Variants in SLC16A7 observed in about 807,000 individuals in gnomAD.
SLC16A7 encodes the protein monocarboxylate transporter 2.
A neutral mutation model predicts 34.9 loss-of-function variants in SLC16A7; 33 were observed. The ratio of observed to expected loss-of-function variants is 0.94; its 90% CI spans 0.72 to 1.26. The LOEUF (loss-of-function observed/expected upper bound fraction) is 1.26. SLC16A7 is among the 50% of genes most tolerant of loss of function. The pLI, the probability that SLC16A7 is intolerant of heterozygous loss-of-function variation, is 0.00. For missense variants in SLC16A7, 573 were observed against 578.1 expected (o/e 0.99, Z 0.09); for synonymous variants, 201 against 206.6 (o/e 0.97, Z 0.23).
chr12:59,699,781 A>G (rs2137122780), intron 2 of SLC16A7, among the ~76,000 whole-genome samples: 1 of 151,928 alleles, frequency 6.6e-6, no homozygotes, highest in South Asian at 2.1e-4. Flanking sequence ...TTTTGCAATC[A>G]TTTGCTGACA....
intron 2 of SLC16A7, among the ~76,000 whole-genome samples, chr12:59,692,381 T>C (rs1427594714): frequency 6.6e-6 from 1 of 152,016 alleles, no homozygotes; most frequent in Non-Finnish European, 1.5e-5. Flanking sequence ...ATAGCTGGCA[T>C]TCACCCTATT....
chr12:59,691,390 G>A (rs1871629912), intron 2 of SLC16A7, among the ~76,000 whole-genome samples: 1 of 151,990 alleles, frequency 6.6e-6, no homozygotes, highest in African/African-American at 2.4e-5. Context: ...ATCAGCTATT[G>A]ATTGGCTATA....
intron 2 of SLC16A7, among the ~76,000 whole-genome samples, chr12:59,678,241 G>A (rs1385259614): frequency 6.6e-6 from 1 of 152,194 alleles, no homozygotes; most frequent in Non-Finnish European, 1.5e-5. Flanking sequence ...TTTTAGCCCT[G>A]TTTGTGTTAC....
rs190650573 is a variant in SLC16A7 at position 59,695,059 on chromosome 12, G to T, written c.-30-9713G>T. On this transcript the variant is annotated intron_variant, in intron 2 of 5. Coordinates refer to ENST00000547379, the MANE Select transcript of SLC16A7 (RefSeq NM_001270623.2). Reference sequence around the variant, plus strand: ...GACTTGTCAAGATCTCTTTTATCTGGTCCCTAAGCTGGCCTGTATAAATTA... The same window carrying T: ...GACTTGTCAAGATCTCTTTTATCTGTTCCCTAAGCTGGCCTGTATAAATTA... Among the ~76,000 whole-genome samples the T allele has an allele frequency of 1.9e-3, 292 of 151,742 alleles. 3 individuals are homozygous for T. Among genetic ancestry groups the T allele is most frequent in the African/African-American group, 6.9e-3 (286 of 41,422 alleles).
chr12:59,617,697 A>G (rs1220797550), intron 1 of SLC16A7, among the ~76,000 whole-genome samples: 1 of 151,958 alleles, frequency 6.6e-6, no homozygotes, highest in Admixed American at 6.6e-5. Flanking sequence ...AATAATAGCA[A>G]AATAATAACT....
chr12:59,685,793 C>T (rs1255818727), intron 2 of SLC16A7, among the ~76,000 whole-genome samples: 2 of 151,880 alleles, frequency 1.3e-5, no homozygotes, highest in African/African-American at 4.8e-5. Context: ...GATTTATTTG[C>T]AATATTGAGC....
At chr12:59,615,019 A>C (rs969002549) in intron 1 of SLC16A7, among the ~76,000 whole-genome samples, 1 of 150,740 alleles carries the variant, frequency 6.6e-6, no homozygotes, top group African/African-American at 2.4e-5. Context: ...TAAATAAATA[A>C]AAATAAATAA....
At chr12:59,752,023 C>G (rs537268880) in intron 3 of SLC16A7, among the ~76,000 whole-genome samples, 1 of 152,312 alleles carries the variant, frequency 6.6e-6, no homozygotes, top group South Asian at 2.1e-4. Context: ...CTAGCAAACT[C>G]CAACAGACCT....
rs772545733 is a variant in SLC16A7 at position 59,779,708 on chromosome 12, T to C, written c.*29T>C. On this transcript the variant is annotated 3_prime_UTR_variant, in exon 6 of 6. Transcript: ENST00000547379. ...GAATCACATCTCTGATTTCAGTGTT[T>C]ATGACTTTATCTAGGAGTTTGTTTT... 2.1e-5 allele frequency: 33 copies of C among 1,561,558 alleles called. No individual in the cohort carries two copies. The highest frequency in any genetic ancestry group is 2.8e-5 in the Non-Finnish European group (32 of 1,148,036).
intron 3 of SLC16A7, among the ~76,000 whole-genome samples, chr12:59,764,326 G>GT (rs1463340658): frequency 2.6e-5 from 4 of 151,660 alleles, no homozygotes; most frequent in Non-Finnish European, 5.9e-5. Flanking sequence ...ACATTTTTTT[G>GT]TTTTTGTTTT....
chr12:59,619,739 C>T (rs986782956), intron 1 of SLC16A7, among the ~76,000 whole-genome samples: 31 of 151,758 alleles, frequency 2.0e-4, no homozygotes, highest in African/African-American at 6.8e-4. Context: ...TTGGCATGTG[C>T]AAGTGGAATA....
Position 59,774,887 on chromosome 12 carries a change from C to A in SLC16A7, c.592C>A (p.Leu198Ile), listed in dbSNP as rs759736305. Residue 198 changes from leucine (L) to isoleucine (I), a missense_variant, in exon 5 of 6, where the codon CTT becomes ATT. By Grantham distance (5) the Leu-to-Ile change is conservative. Transcript: ENST00000547379. ...ACVAGSLMRPLGPNQTTSKSK... is the reference protein window; with the variant it reads ...ACVAGSLMRPIGPNQTTSKSK... ...TGTGGCTGGTTCCCTCATGAGACCC[C>A]TTGGACCCAATCAAACCACTTCTAA... 10 of 1,613,754 alleles carry A rather than the reference C, an allele frequency of 6.2e-6. No homozygotes were observed. Among genetic ancestry groups the A allele is most frequent in the Non-Finnish European group, 8.5e-6 (10 of 1,179,930 alleles).
intron 2 of SLC16A7, among the ~76,000 whole-genome samples, chr12:59,672,010 TCC>T (rs56264008): frequency 0.038 from 5 of 130 alleles, no homozygotes; most frequent in African/African-American, 0.094. Flanking sequence ...TATCCATATA[TCC>T]GTATATATGT....
chr12:59,692,582 T>A (rs750183727), intron 2 of SLC16A7, among the ~76,000 whole-genome samples: 1 of 152,052 alleles, frequency 6.6e-6, no homozygotes, highest in African/African-American at 2.4e-5. Flanking sequence ...GGAATTGTTT[T>A]GTATGGGAGG....
chr12:59,718,813 A>C (rs1465424329), intron 3 of SLC16A7, among the ~76,000 whole-genome samples: 1 of 152,130 alleles, frequency 6.6e-6, no homozygotes, highest in Non-Finnish European at 1.5e-5. Context: ...TTATATTTCA[A>C]CCTAAAAGAA....
Position 59,779,970 on chromosome 12 carries a change from T to C in SLC16A7, c.*291T>C. 1 of 255,358 alleles carries C rather than the reference T, an allele frequency of 3.9e-6. No homozygotes were observed. 15.8% of individuals were successfully genotyped at this position (255,358 alleles called of 1,614,324 possible). A position where few individuals can be genotyped will look rare whatever the true frequency, so the allele number is the denominator to read the frequency against. On this transcript the variant is annotated 3_prime_UTR_variant, in exon 6 of 6. Transcript: ENST00000547379. ...CTAATTTTAAAGTCTTCCAGTGACT[T>C]TCGGTCTTGGTTATATGGAGAATTC...
chr12:59,607,267 G>T (rs759913747), intron 1 of SLC16A7, among the ~76,000 whole-genome samples: 2 of 152,192 alleles, frequency 1.3e-5, no homozygotes, highest in Non-Finnish European at 2.9e-5. Context: ...TTGGAGCTGA[G>T]AGATGGATAG....
At chr12:59,750,338 GA>G (rs1325822502) in intron 3 of SLC16A7, among the ~76,000 whole-genome samples, 6 of 152,162 alleles carry the variant, frequency 3.9e-5, no homozygotes, top group African/African-American at 1.4e-4. Flanking sequence ...CTAGTATCCA[GA>G]ATCTACAAAG....
intron 3 of SLC16A7, among the ~76,000 whole-genome samples, chr12:59,742,215 G>A (rs1443273413): frequency 6.6e-6 from 1 of 152,140 alleles, no homozygotes; most frequent in African/African-American, 2.4e-5. Context: ...GAGTGCCCCT[G>A]GAAAGTCATA....
Sources: gnomAD v4.1 joint callset for allele counts (sites outside exome capture counted in the v4.1 genomes callset) on GRCh38, gnomAD v4.1.1 for gene constraint, MANE v1.5 for transcripts, NCBI Gene and HGNC (gene_info 2026-07-23, HGNC 2026-07-21) for gene names.